The following ASIC4 variants were observed in gnomAD, a reference collection of about 807,000 sequenced individuals.
The protein encoded by ASIC4 is acid sensing ion channel subunit family member 4, also known as acid-sensing ion channel 4.
In ASIC4, 28 loss-of-function variants were observed where a neutral mutation model predicts 53.4. The observed-to-expected ratio is 0.52, with a 90% CI of 0.39 to 0.72. ASIC4 has a LOEUF of 0.72. Among genes scored for constraint, ASIC4 ranks in the 30% least tolerant of loss-of-function variants. ASIC4 has a pLI of 0.00. For synonymous variants in ASIC4, 289 were observed against 301.4 expected, an observed-to-expected ratio of 0.96 and a Z score of 0.43; for missense variants, 649 against 729.7, an observed-to-expected ratio of 0.89 and a Z score of 1.27.
chr2:219,522,652 C>T (rs1471248541), intron 1 of ASIC4, among the ~76,000 whole-genome samples: 2 of 151,894 alleles, frequency 1.3e-5, no homozygotes, highest in Non-Finnish European at 2.9e-5. Flanking sequence ...CCCCCGGCCC[C>T]GGGCCTTTTG....
rs79516928 is a variant in ASIC4 at position 219,517,335 on chromosome 2, A to G, written c.582+2029A>G. On this transcript the variant is annotated intron_variant, in intron 1 of 9. Coordinates refer to ENST00000358078, the MANE Select transcript of ASIC4 (RefSeq NM_018674.6). The surrounding 1 kb of genome is among the most constrained non-coding windows in gnomAD (Gnocchi z 4.2). ...GTGGATTTCCCACAGGCCCTCTGGT[A>G]CCCTGGGGCTGGAGAAAGGAGGATG... 6.3e-3 allele frequency: 968 copies of G among 152,584 alleles called. 3 individuals are homozygous for G. The highest frequency in any genetic ancestry group is 8.0e-3 in the African/African-American group (332 of 41,518). The allele number at this position is 152,584 out of a possible 1,614,324, so 9.5% of individuals were successfully genotyped here.
intron 1 of ASIC4, among the ~76,000 whole-genome samples, chr2:219,529,012 C>T (rs370372209): frequency 5.3e-5 from 8 of 152,232 alleles, no homozygotes; most frequent in Admixed American, 3.3e-4. Flanking sequence ...GCTCCCTCCC[C>T]ACATCTGTTC....
intron 1 of ASIC4, among the ~76,000 whole-genome samples, chr2:219,530,898 G>C (rs1695031440): frequency 6.6e-6 from 1 of 152,216 alleles, no homozygotes; most frequent in Admixed American, 6.5e-5. Context: ...AAGTCAGTTA[G>C]TGGTTTCATT....
chr2:219,514,289 T>C (rs908073896), upstream of ASIC4: 17 of 1,475,760 alleles, frequency 1.2e-5, no homozygotes, highest in Admixed American at 9.7e-5. Flanking sequence ...GTGCTGCCGG[T>C]GAAACGCTGT....
intron 4 of ASIC4, 183 bp from the exon 5 acceptor site, chr2:219,532,700 G>T: frequency 1.2e-6 from 1 of 809,210 alleles, no homozygotes; most frequent in East Asian, 2.7e-5. Context: ...ATATGTATTT[G>T]TGTACGTGCA....
At chr2:219,508,001 C>T in the ASIC4 span, among the ~76,000 whole-genome samples, 4 of 151,224 alleles carry the variant, frequency 2.6e-5, no homozygotes, top group Middle Eastern at 3.4e-3. Context: ...CCTCAGGTCC[C>T]GTGGGCTGTG....
chr2:219,522,051 T>C (rs1694892688), intron 1 of ASIC4, among the ~76,000 whole-genome samples: 1 of 152,152 alleles, frequency 6.6e-6, no homozygotes, highest in Non-Finnish European at 1.5e-5. Context: ...CTTCTTCCCC[T>C]GGCTCCTAGG....
chr2:219,507,614 T>C, the ASIC4 span, among the ~76,000 whole-genome samples: 1 of 152,120 alleles, frequency 6.6e-6, no homozygotes, highest in African/African-American at 2.4e-5. Flanking sequence ...TTGGTAGGTC[T>C]CAGCCCTCCT....
In ASIC4 at chr2:219,517,718, C is replaced by T. The variant is rs1349206341; in HGVS notation, c.582+2412C>T. Among the ~76,000 whole-genome samples, 1 of 152,102 alleles carries T rather than the reference C, an allele frequency of 6.6e-6. No homozygotes were observed. The highest frequency in any genetic ancestry group is 1.5e-5 in the Non-Finnish European group (1 of 68,022). On this transcript the variant is annotated intron_variant, in intron 1 of 9. Transcript: ENST00000358078. This position sits in a 1 kb window ranked among gnomAD's most constrained non-coding sequence, Gnocchi z 4.2. The stretch of plus-strand genomic sequence containing the variant: ...CCAAAAAGGACGTGAGGTCCATAAT[C>T]AGCTCTGTGGTGAGGACCTGGAGTC...
At chr2:219,509,641 C>A (rs141128511), upstream of ASIC4, among the ~76,000 whole-genome samples, 5 of 152,240 alleles carry the variant, frequency 3.3e-5, no homozygotes, top group African/African-American at 9.6e-5. This position sits in a 1 kb window ranked among gnomAD's most constrained non-coding sequence, Gnocchi z 5.2. Context: ...CCAAGTACAT[C>A]CTGGGAGGCT....
At chr2:219,524,286 G>C (rs1694932034) in intron 1 of ASIC4, among the ~76,000 whole-genome samples, 1 of 152,224 alleles carries the variant, frequency 6.6e-6, no homozygotes, top group East Asian at 1.9e-4. Flanking sequence ...AGTAAGTGTT[G>C]TTTGAACATT....
At chr2:219,521,481 C>T (rs1307191423) in intron 1 of ASIC4, among the ~76,000 whole-genome samples, 1 of 152,220 alleles carries the variant, frequency 6.6e-6, no homozygotes, top group Non-Finnish European at 1.5e-5. Context: ...TGGCTGGCGG[C>T]AGGGCTGCCT....
At chr2:219,515,444 C>T in intron 1 of ASIC4, 138 bp downstream of exon 1, 2 of 1,233,080 alleles carry the variant, frequency 1.6e-6, no homozygotes, top group South Asian at 3.1e-5. Flanking sequence ...CCTCGTGTTT[C>T]CCCAAGCCTG....
chr2:219,513,607 C>A (rs1415670204), upstream of ASIC4, among the ~76,000 whole-genome samples: 1 of 152,174 alleles, frequency 6.6e-6, no homozygotes, highest in East Asian at 1.9e-4. Context: ...ATATAGAGCA[C>A]CCCGGAAGCA....
rs535946140 is a variant in ASIC4 at position 219,526,112 on chromosome 2, G to A, written c.583-5646G>A. ...TGCCTGTTAACCCTGTGGGCTCTGC[G>A]AGGGAGGGAGGATGCAAGCAAGCCA... On this transcript the variant is annotated intron_variant, in intron 1 of 9. Transcript: ENST00000358078. Among the ~76,000 whole-genome samples the A allele has an allele frequency of 2.6e-5, 4 of 152,322 alleles. No homozygotes were observed. The East Asian group carries it at 5.8e-4, about 22-fold the overall frequency.
chr2:219,535,054 G>A, intron 5 of ASIC4, 117 bp from the exon 6 acceptor site: 1 of 1,427,180 alleles, frequency 7.0e-7, no homozygotes, highest in South Asian at 1.4e-5. Context: ...GCCAGTAAAG[G>A]CCCTCAGTGT....
Position 219,514,629 on chromosome 2 carries a change from C to T in ASIC4, c.-96C>T, listed in dbSNP as rs747226762. 1 of 1,610,368 alleles carries T rather than the reference C, an allele frequency of 6.2e-7. No homozygotes were observed. The highest frequency in any genetic ancestry group is 1.3e-5 in the African/African-American group (1 of 74,984). On this transcript the variant is annotated 5_prime_UTR_variant, in exon 1 of 10. Transcript: ENST00000358078. ...GCTTGCCCTGAGTTTAGAAGAGCAG[C>T]CGCTGCCACCACTGCCACTCGGGAG... is the stretch of plus-strand genomic sequence containing the variant.
At chr2:219,523,483 G>C (rs1694919290) in intron 1 of ASIC4, among the ~76,000 whole-genome samples, 1 of 152,204 alleles carries the variant, frequency 6.6e-6, no homozygotes, top group South Asian at 2.1e-4. Flanking sequence ...TCCACTGTAG[G>C]GAGGAAGTGG....
chr2:219,533,422 C>T (rs1185096293), intron 5 of ASIC4: 3 of 178,332 alleles, frequency 1.7e-5, no homozygotes, highest in East Asian at 2.8e-4. Flanking sequence ...AGAGTGGGGG[C>T]GACAGCCCTG....
Sources: gnomAD v4.1 joint callset for allele counts (sites outside exome capture counted in the v4.1 genomes callset) on GRCh38, gnomAD v4.1.1 for gene constraint, Gnocchi (gnomAD v3.1) non-coding constraint, MANE v1.5 for transcripts, NCBI Gene and HGNC (gene_info 2026-07-23, HGNC 2026-07-21) for gene names.